Variants in DOCK9 observed in about 807,000 individuals in gnomAD.
DOCK9 encodes the protein dedicator of cytokinesis 9.
In DOCK9, 89 loss-of-function variants were observed where a neutral mutation model predicts 263.3. That is an observed-to-expected ratio of 0.34 (90% CI 0.28 to 0.40). The LOEUF is 0.40. Ranked by LOEUF, DOCK9 falls within the 10% of genes least tolerant of loss-of-function variation. The pLI is 1.00. For synonymous variants in DOCK9, 976 were observed against 973.1 expected (o/e 1.00, Z -0.06); for missense variants, 2,140 against 2,603.4 (o/e 0.82, Z 3.87).
chr13:99,033,393 G>A (rs1887550411), intron 1 of DOCK9, among the ~76,000 whole-genome samples: 1 of 152,216 alleles, frequency 6.6e-6, no homozygotes, highest in East Asian at 1.9e-4. Flanking sequence ...ATTTGTGAGG[G>A]AATGAAACTA....
At chr13:98,981,548 G>A (rs1305185669), upstream of DOCK9, among the ~76,000 whole-genome samples, 1 of 152,204 alleles carries the variant, frequency 6.6e-6, no homozygotes, top group Admixed American at 6.5e-5. Context: ...CTGAGAGCAA[G>A]GCAGTCATCT....
chr13:98,803,443 T>C (rs754105148), intron 49 of DOCK9, among the ~76,000 whole-genome samples: 1 of 152,234 alleles, frequency 6.6e-6, no homozygotes. Context: ...TGCACCAGGA[T>C]AACCGGGAGG....
At chr13:98,815,555 A>G (rs2091765455) in intron 45 of DOCK9, among the ~76,000 whole-genome samples, 1 of 152,114 alleles carries the variant, frequency 6.6e-6, no homozygotes, top group African/African-American at 2.4e-5. Context: ...ATCTTGGCTC[A>G]CTGCAAGCTC....
intron 1 of DOCK9, among the ~76,000 whole-genome samples, chr13:99,042,590 G>C (rs1016704149): frequency 2.0e-5 from 3 of 152,204 alleles, no homozygotes; most frequent in Admixed American, 6.5e-5. Context: ...ATCTGGTGTA[G>C]GGGCCAGCAA....
intron 1 of DOCK9, among the ~76,000 whole-genome samples, chr13:99,058,166 C>CT (rs1227722245): frequency 0.029 from 4,116 of 139,530 alleles, 101 homozygotes; most frequent in South Asian, 0.091. Context: ...TACTTGATAT[C>CT]TTTTTTTTTT....
chr13:98,968,435 A>T (rs1293887301), intron 1 of DOCK9, among the ~76,000 whole-genome samples: 1 of 152,138 alleles, frequency 6.6e-6, no homozygotes, highest in Non-Finnish European at 1.5e-5. Context: ...AGACTGGCCA[A>T]CATGGTTCAC....
At chr13:98,980,026 T>G (rs1322341366), upstream of DOCK9, among the ~76,000 whole-genome samples, 2 of 152,206 alleles carry the variant, frequency 1.3e-5, no homozygotes, top group Non-Finnish European at 2.9e-5. Context: ...GCTATTCTAT[T>G]TGTTATTGTT....
chr13:99,003,657 T>TC (rs1882793459), intron 1 of DOCK9, among the ~76,000 whole-genome samples: 1 of 106,158 alleles, frequency 9.4e-6, no homozygotes, highest in Admixed American at 8.6e-5. Context: ...CACTCTTGAC[T>TC]CCTTGTCTCT....
At chr13:99,037,304 C>CA (rs1327558553) in intron 1 of DOCK9, among the ~76,000 whole-genome samples, 1 of 151,438 alleles carries the variant, frequency 6.6e-6, no homozygotes, top group African/African-American at 2.4e-5. Flanking sequence ...TTAAAAAATA[C>CA]AAAAAAGATT....
At chr13:98,887,615 C>CAAAAAAAAAAA (rs58976892) in intron 18 of DOCK9, among the ~76,000 whole-genome samples, 1 of 37,218 alleles carries the variant, frequency 2.7e-5, no homozygotes, top group Non-Finnish European at 4.2e-5. Flanking sequence ...GACTCCATCT[C>CAAAAAAAAAAA]AAAAAAAAAA....
intron 27 of DOCK9, among the ~76,000 whole-genome samples, chr13:98,878,806 C>T (rs2044275904): frequency 6.6e-6 from 1 of 152,212 alleles, no homozygotes; most frequent in Non-Finnish European, 1.5e-5. Context: ...GGCTTTAGGC[C>T]TGAACCATCA....
At chr13:99,004,170 C>A (rs1595882608) in intron 1 of DOCK9, among the ~76,000 whole-genome samples, 1 of 152,158 alleles carries the variant, frequency 6.6e-6, no homozygotes, top group Admixed American at 6.5e-5. Flanking sequence ...CCTGTGCTTA[C>A]CCCCATCATG....
chr13:98,881,801 T>G, intron 24 of DOCK9, 91 bp downstream of exon 24: 1 of 1,303,650 alleles, frequency 7.7e-7, no homozygotes, highest in East Asian at 2.5e-5. Flanking sequence ...AATGTAATGT[T>G]CAGCACACAG....
chr13:98,917,159 A>G (rs539088558), intron 7 of DOCK9, among the ~76,000 whole-genome samples: 1 of 152,322 alleles, frequency 6.6e-6, no homozygotes, highest in South Asian at 2.1e-4. Context: ...CCCGGAGACT[A>G]ATTGATAGCT....
At chr13:99,082,360 A>G (rs2042154723) in intron 1 of DOCK9, among the ~76,000 whole-genome samples, 2 of 151,958 alleles carry the variant, frequency 1.3e-5, no homozygotes, top group Admixed American at 6.6e-5. Flanking sequence ...TCTACTAAAA[A>G]TACAAAAAAT....
chr13:98,844,916 G>A (rs1326977751), intron 38 of DOCK9, among the ~76,000 whole-genome samples: 1 of 152,190 alleles, frequency 6.6e-6, no homozygotes, highest in East Asian at 1.9e-4. Flanking sequence ...TAATAACCAT[G>A]TATTAAAGAC....
intron 1 of DOCK9, among the ~76,000 whole-genome samples, chr13:98,971,819 A>AT (rs1321573744): frequency 5.3e-5 from 8 of 152,214 alleles, no homozygotes; most frequent in Non-Finnish European, 1.0e-4. Flanking sequence ...AACACCCAAG[A>AT]TAAGAGTGAC....
Position 99,080,791 on chromosome 13 carries a change from G to C in DOCK9, c.129+5432C>G, listed in dbSNP as rs2042093802. ...TCTTTCCATGGTGTGCCTTAGTACT[G>C]TTAGTCACCTTAGAGTAGGTGACTG... On this transcript the variant is annotated intron_variant, in intron 1 of 32. Transcript: ENST00000427887. Among the ~76,000 whole-genome samples, 4 of 152,246 alleles carry C rather than the reference G, an allele frequency of 2.6e-5. No homozygotes were observed. In the East Asian group the frequency reaches 7.7e-4, roughly 29 times the overall value.
rs746717567 is a variant in DOCK9, at chr13:98,867,441, C to G, written c.3270G>C (p.Arg1090Ser). The G allele has an allele frequency of 3.1e-6, 5 of 1,598,194 alleles. No homozygotes were observed. Among genetic ancestry groups the G allele is most frequent in the Non-Finnish European group, 3.4e-6 (4 of 1,167,278 alleles). The change falls in exon 30 of 53, where the codon AGG becomes AGC. Residue 1090 changes from arginine (R) to serine (S), a missense_variant. By Grantham distance (110) the Arg-to-Ser change is moderately radical. This residue lies in a region of DOCK9 where 1,521 missense variants were observed against 1,741.7 expected (regional missense o/e 0.87). Transcript: ENST00000682017. ...ATGGATTACCTTGGTATCTTTGAAT[C>G]CTGCCTTTTCCAAATGGCATTGGTA... ...LNLPMPFGKGRIQRYQDLQLD... is the reference protein window; with the variant it reads ...LNLPMPFGKGSIQRYQDLQLD...
Sources: gnomAD v4.1 joint callset for allele counts (sites outside exome capture counted in the v4.1 genomes callset) on GRCh38, gnomAD v4.1.1 for gene constraint, gnomAD v4.1.1 regional missense constraint, MANE v1.5 for transcripts, NCBI Gene and HGNC (gene_info 2026-07-23, HGNC 2026-07-21) for gene names.